NTRK3: variants seen among roughly 807,000 people sequenced by gnomAD.
NTRK3 encodes the protein NT-3 growth factor receptor.
Under a neutral mutation model 91.7 loss-of-function variants are expected in NTRK3, and 24 were observed. That is an observed-to-expected ratio of 0.26 (90% confidence interval 0.19 to 0.37). The LOEUF is 0.37. Ranked by LOEUF, NTRK3 falls within the 10% of genes least tolerant of loss-of-function variation. The probability of loss-of-function intolerance (pLI) is 1.00; values close to 1 mark genes in which losing one functional copy is unlikely to be tolerated. For synonymous variants in NTRK3, 483 were observed against 404.0 expected, an observed-to-expected ratio of 1.20 and a Z score of -2.34; for missense variants, 880 against 1,068.9, an observed-to-expected ratio of 0.82 and a Z score of 2.46.
At position 88,246,357 on chromosome 15, in the gene NTRK3, C is replaced by T. The variant is rs1176817260; in HGVS notation, c.248+9549G>A. Among the ~76,000 whole-genome samples the T allele has an allele frequency of 2.0e-5, 3 of 152,168 alleles. No homozygotes were observed. The South Asian group carries it at 6.2e-4, about 32-fold the overall frequency. On this transcript the variant is annotated intron_variant, in intron 3 of 18. Transcript: ENST00000394480. The stretch of plus-strand genomic sequence containing the variant: ...GGGATCTGCAGAGGTTAAGAGAAGG[C>T]GCCAAGCTCTCATCTCTAGTCAATG...
rs1406964347 is a variant in NTRK3, at chr15:88,240,423, C to T, written c.248+15483G>A. 2.0e-5 allele frequency among the ~76,000 whole-genome samples: 3 copies of T among 152,172 alleles called. No individual in the cohort carries two copies. The highest frequency in any genetic ancestry group is 7.2e-5 in the African/African-American group (3 of 41,428). ...AGGATGTGGCCAAAAACACCTGTGT[C>T]CATGAAACTCAAGGATCTCAAACTC... On this transcript the variant is annotated intron_variant, in intron 3 of 18. Coordinates refer to ENST00000394480, the Ensembl canonical transcript of NTRK3. The surrounding 1 kb of genome is among the most constrained non-coding windows in gnomAD (Gnocchi z 4.9).
chr15:88,116,838 T>A (rs776006869), intron 13 of NTRK3, among the ~76,000 whole-genome samples: 1 of 152,212 alleles, frequency 6.6e-6, no homozygotes, highest in African/African-American at 2.4e-5. Flanking sequence ...CCAGCAATCA[T>A]TCAGGATCAC....
At chr15:87,970,570 T>C (rs180825845) in intron 14 of NTRK3, among the ~76,000 whole-genome samples, 2 of 152,320 alleles carry the variant, frequency 1.3e-5, no homozygotes, top group Admixed American at 1.3e-4. Context: ...TGAAGAATGT[T>C]TTGTGTTTAA....
intron 13 of NTRK3, among the ~76,000 whole-genome samples, chr15:88,083,315 G>A (rs1486848023): frequency 3.3e-5 from 5 of 152,134 alleles, no homozygotes; most frequent in African/African-American, 1.2e-4. Context: ...CTGCCTCCCA[G>A]GTTCAAGCAA....
rs925236559 is a variant in NTRK3 at position 87,955,466 on chromosome 15, C to G, written c.1586-14713G>C. On this transcript the variant is annotated intron_variant, in intron 14 of 18. Transcript: ENST00000394480. ...GGCATGGCTCAGGGAACCTGGAGGG[C>G]AGCCGACAACAAATGATAAACTCAC... Among the ~76,000 whole-genome samples the G allele has an allele frequency of 3.9e-5, 6 of 152,216 alleles. 1 individual carries two copies. Among genetic ancestry groups the G allele is most frequent in the African/African-American group, 1.4e-4 (6 of 41,464 alleles).
chr15:88,040,700 A>T (rs1396335294), intron 13 of NTRK3, among the ~76,000 whole-genome samples: 1 of 152,214 alleles, frequency 6.6e-6, no homozygotes, highest in Non-Finnish European at 1.5e-5. Context: ...TGCCCAGCCA[A>T]CGTGTAGAAG....
chr15:87,954,024 G>C (rs1041970123), intron 14 of NTRK3, among the ~76,000 whole-genome samples: 10 of 137,242 alleles, frequency 7.3e-5, no homozygotes, highest in Non-Finnish European at 1.5e-4. Flanking sequence ...GTGTGTGTGT[G>C]TGTGTGTGTG....
At chr15:88,059,070 A>G (rs138673248) in intron 13 of NTRK3, among the ~76,000 whole-genome samples, 262 of 152,040 alleles carry the variant, frequency 1.7e-3, no homozygotes, top group African/African-American at 6.1e-3. Context: ...ACACACACAC[A>G]CACACACACA....
chr15:88,010,378 T>A (rs1205388401), intron 14 of NTRK3, among the ~76,000 whole-genome samples: 1 of 152,208 alleles, frequency 6.6e-6, no homozygotes, highest in East Asian at 1.9e-4. Context: ...TCTGGGTGAA[T>A]TCATTCTCAA....
chr15:87,945,616 A>G (rs2070386551), intron 14 of NTRK3, among the ~76,000 whole-genome samples: 1 of 150,492 alleles, frequency 6.6e-6, no homozygotes, highest in Non-Finnish European at 1.5e-5. Flanking sequence ...GAGGGGAGGT[A>G]TACACAGAGC....
chr15:88,124,627 G>A (rs1406055667), intron 13 of NTRK3, among the ~76,000 whole-genome samples: 6 of 152,198 alleles, frequency 3.9e-5, no homozygotes, highest in Admixed American at 2.0e-4. Context: ...AATAGTGCCA[G>A]TCCTCAAAAC....
At chr15:87,922,214 C>T (rs146398512) in intron 17 of NTRK3, among the ~76,000 whole-genome samples, 110 of 152,350 alleles carry the variant, frequency 7.2e-4, no homozygotes, top group African/African-American at 2.5e-3. Flanking sequence ...AACCACTTGA[C>T]TTTCATCTGA....
At chr15:88,029,566 T>C (rs192235969) in intron 14 of NTRK3, among the ~76,000 whole-genome samples, 1 of 152,334 alleles carries the variant, frequency 6.6e-6, no homozygotes, top group African/African-American at 2.4e-5. Context: ...ATTATGTTCA[T>C]GCAATTCCAC....
chr15:87,892,270 A>C (rs2065894875), intron 17 of NTRK3, among the ~76,000 whole-genome samples: 1 of 152,204 alleles, frequency 6.6e-6, no homozygotes, highest in Admixed American at 6.5e-5. Context: ...ATCTGTTTGC[A>C]AGTTGGATAG....
At chr15:88,065,894 A>C (rs1222429636) in intron 13 of NTRK3, among the ~76,000 whole-genome samples, 1 of 152,140 alleles carries the variant, frequency 6.6e-6, no homozygotes, top group Non-Finnish European at 1.5e-5. Flanking sequence ...ACATCATCAT[A>C]AGCCTTGTCA....
intron 13 of NTRK3, among the ~76,000 whole-genome samples, chr15:88,050,499 GTGTGTGTGTGTGTGTGTA>G (rs966426601): frequency 9.7e-6 from 1 of 102,604 alleles, no homozygotes; most frequent in Non-Finnish European, 2.0e-5. Flanking sequence ...GTGTGTGTGT[GTGTGTGTGTGTGTGTGTA>G]TGTGTGTGTG....
intron 18 of NTRK3, among the ~76,000 whole-genome samples, 160 bp downstream of exon 19, chr15:87,880,110 T>A (rs563459225): frequency 6.6e-6 from 1 of 152,298 alleles, no homozygotes; most frequent in African/African-American, 2.4e-5. Flanking sequence ...GTTCCATTTT[T>A]TTTTTCCTAC....
chr15:88,109,890 A>G (rs1043740843), intron 13 of NTRK3, among the ~76,000 whole-genome samples: 1 of 152,206 alleles, frequency 6.6e-6, no homozygotes, highest in East Asian at 1.9e-4. Flanking sequence ...AGCAAAAATC[A>G]TGATTTCTCC....
intron 17 of NTRK3, chr15:87,927,692 T>C (rs964637272): frequency 1.3e-5 from 2 of 152,152 alleles, no homozygotes; most frequent in Non-Finnish European, 2.9e-5. Flanking sequence ...TTAACCCTTC[T>C]GCCATATGGA....
Sources: allele counts gnomAD v4.1 joint callset (sites outside exome capture counted in the v4.1 genomes callset), GRCh38; gene constraint gnomAD v4.1.1; non-coding constraint Gnocchi (gnomAD v3.1); transcripts MANE v1.5; gene names NCBI Gene and HGNC (gene_info 2026-07-23, HGNC 2026-07-21).